The following EXOC3 variants were observed in gnomAD, a reference collection of about 807,000 sequenced individuals.
EXOC3 encodes SEC6-like 1.
A neutral mutation model predicts 73.7 loss-of-function variants in EXOC3; 21 were observed. The observed-to-expected ratio is 0.29, with a 90% CI of 0.20 to 0.41. The LOEUF (loss-of-function observed/expected upper bound fraction) is 0.41, where lower values mean the gene tolerates loss of function less well. Ranked by LOEUF, EXOC3 falls within the 10% of genes least tolerant of loss-of-function variation. EXOC3 has a pLI of 1.00. For synonymous variants in EXOC3, 410 were observed against 389.1 expected (o/e 1.05, Z -0.63); for missense variants, 842 against 985.1 (o/e 0.85, Z 1.95).
intron 3 of EXOC3, among the ~76,000 whole-genome samples, chr5:449,085 A>G (rs764306656): frequency 6.6e-6 from 1 of 152,246 alleles, no homozygotes; most frequent in Non-Finnish European, 1.5e-5. Flanking sequence ...ATGACCAAAA[A>G]GGTGCATTAC....
rs36111924 is a variant in EXOC3 at position 451,135 on chromosome 5, AT to A, written c.365-2227del. Among the ~76,000 whole-genome samples, 12 of 151,896 alleles carry A rather than the reference AT, an allele frequency of 7.9e-5. 1 individual carries two copies. The South Asian group carries it at 1.0e-3, about 13-fold the overall frequency. On this transcript the variant is annotated intron_variant, in intron 3 of 12. Transcript: ENST00000512944. ...TAACATTTTTGTCTCTTATTTCTGCATTTTTTTTGTGCTTTTGATTATTTTG... is the reference window on the plus strand; with the variant it reads ...TAACATTTTTGTCTCTTATTTCTGCATTTTTTTGTGCTTTTGATTATTTTG...
At position 458,035 on chromosome 5, in the gene EXOC3, G is replaced by T; in HGVS notation, c.1290+10G>T. 6.2e-7 allele frequency: 1 copy of T among 1,611,480 alleles called. No homozygotes were observed. The highest frequency in any genetic ancestry group is 1.7e-5 in the Admixed American group (1 of 59,740). Reference sequence around the variant, plus strand: ...TGCCATTGTCTTCCAGGTACCACCTGCAGGGGACTGGCACAGTTCCGTTTC... The same window carrying T: ...TGCCATTGTCTTCCAGGTACCACCTTCAGGGGACTGGCACAGTTCCGTTTC... On this transcript the variant is annotated intron_variant, in intron 6 of 12. Transcript: ENST00000512944.
chr5:453,559 A>T lies in EXOC3; in HGVS notation c.554A>T (p.Asp185Val). ...GYFGSTQGLS[D>V]ELAKQLWMVL... The stretch of plus-strand genomic sequence containing the variant: ...TTTGGCAGCACGCAGGGGCTCTCTG[A>T]TGAGCTGGCTAAGCAGCTGTGGATG... The change falls in exon 4 of 13, where the codon GAT (aspartate) becomes GTT (valine). Residue 185 changes from aspartate (D) to valine (V), a missense_variant. By Grantham distance (152) the Asp-to-Val change is radical. Transcript: ENST00000512944. 1 of 1,613,994 alleles carries T rather than the reference A, an allele frequency of 6.2e-7. No individual in the cohort carries two copies. Among genetic ancestry groups the T allele is most frequent in the Non-Finnish European group, 8.5e-7 (1 of 1,179,872 alleles).
chr5:447,419 C>T, intron 2 of EXOC3, 114 bp from the exon 3 acceptor site: 1 of 658,020 alleles, frequency 1.5e-6, no homozygotes, highest in East Asian at 2.8e-5. Context: ...TTGACTGTTT[C>T]CTGCTACTCA....
chr5:464,447 G>C, intron 10 of EXOC3, 35 bp downstream of exon 10: 1 of 1,608,096 alleles, frequency 6.2e-7, no homozygotes, highest in South Asian at 1.1e-5. Flanking sequence ...TCATCACCTT[G>C]ACGCTAGGGC....
In EXOC3 at chr5:466,777, A is replaced by T. The variant is rs754327983; in HGVS notation, c.2117A>T (p.Asp706Val). The change falls in exon 13 of 13, where the codon GAC becomes GTC. Residue 706 changes from aspartate to valine, a missense_variant. Transcript: ENST00000512944. Reference protein sequence around the residue: ...LLAVRGDASRDMKQTIMETLE... With the variant: ...LLAVRGDASRVMKQTIMETLE... ...GCTGTGCGTGGGGACGCCAGCCGTG[A>T]CATGAAGCAGACCATCATGGAGACC... The T allele has an allele frequency of 1.2e-6, 2 of 1,613,354 alleles. No homozygotes were observed. Among genetic ancestry groups the T allele is most frequent in the Non-Finnish European group, 1.7e-6 (2 of 1,179,826 alleles).
intron 2 of EXOC3, 92 bp from the exon 3 acceptor site, chr5:447,441 C>T: frequency 2.2e-6 from 2 of 898,514 alleles, no homozygotes; most frequent in Non-Finnish European, 3.3e-6. Context: ...TGGCTCTTTC[C>T]TGAACTTGAC....
At chr5:457,732 G>T in intron 5 of EXOC3, 168 bp from the exon 6 acceptor site, 1 of 639,010 alleles carries the variant, frequency 1.6e-6, no homozygotes, top group East Asian at 2.9e-5. Context: ...GCCTCCCATG[G>T]GGGTGGCTCC....
chr5:457,800 GT>G lies in EXOC3; in HGVS notation c.1165-97del, dbSNP rs1289530184. On this transcript the variant is annotated intron_variant, in intron 5 of 12. Transcript: ENST00000512944. ...AGAGGACGCTGGTGCCCTGTGTCTG[GT>G]TTGTGGAGCTTGTGCATGCAACTGA... is the stretch of plus-strand genomic sequence containing the variant. 3.0e-6 allele frequency: 4 copies of G among 1,324,838 alleles called. No individual in the cohort carries two copies. The African/African-American group carries it at 5.9e-5, about 19-fold the overall frequency. 82.1% of individuals were successfully genotyped at this position (1,324,838 alleles called of 1,614,324 possible).
At chr5:459,672 C>T (rs572385357) in intron 7 of EXOC3, 136 of 442,008 alleles carry the variant, frequency 3.1e-4, no homozygotes, top group African/African-American at 2.5e-3. Context: ...CTTGGGCTCC[C>T]AGAGCTGATG....
At chr5:456,629 C>T (rs1737822566) in intron 4 of EXOC3, among the ~76,000 whole-genome samples, 1 of 152,208 alleles carries the variant, frequency 6.6e-6, no homozygotes, top group African/African-American at 2.4e-5. Flanking sequence ...CACAGAGACC[C>T]CAAAGCCCTC....
chr5:455,335 G>A (rs1418456615), intron 4 of EXOC3, among the ~76,000 whole-genome samples: 1 of 152,252 alleles, frequency 6.6e-6, no homozygotes, highest in African/African-American at 2.4e-5. Flanking sequence ...CACGTTGTGA[G>A]TGTTTTTCTG....
intron 4 of EXOC3, among the ~76,000 whole-genome samples, chr5:454,334 T>G (rs1737741387): frequency 6.6e-6 from 1 of 152,240 alleles, no homozygotes; most frequent in African/African-American, 2.4e-5. Context: ...CTGTTTCCTG[T>G]GCTCACCGTG....
intron 3 of EXOC3, among the ~76,000 whole-genome samples, chr5:448,796 G>A (rs1282275970): frequency 6.6e-6 from 1 of 152,194 alleles, no homozygotes; most frequent in Non-Finnish European, 1.5e-5. Context: ...CGAGCACCTT[G>A]TCCCGTTGCT....
chr5:463,853 T>C (rs1055648833), intron 9 of EXOC3, among the ~76,000 whole-genome samples: 1 of 152,232 alleles, frequency 6.6e-6, no homozygotes, highest in African/African-American at 2.4e-5. Context: ...ACGATAAATA[T>C]ATGTAGCCAC....
rs989794169 is a variant in EXOC3 at position 446,275 on chromosome 5, G to C, written c.70G>C (p.Asp24His). The C allele has an allele frequency of 1.2e-6, 2 of 1,613,942 alleles. No homozygotes were observed. The highest frequency in any genetic ancestry group is 1.7e-6 in the Non-Finnish European group (2 of 1,179,832). ...GGTTGCTGGGATGCTCCAGCGCCCGGACCAGCTGGACAAGGTGGAGCAGTA... is the reference window on the plus strand; with the variant it reads ...GGTTGCTGGGATGCTCCAGCGCCCGCACCAGCTGGACAAGGTGGAGCAGTA... ...QRVAGMLQRP[D>H]QLDKVEQYRR... is the part of the protein sequence containing the mutation. The change falls in exon 2 of 13, where the codon GAC (aspartate) becomes CAC (histidine). Residue 24 changes from aspartate to histidine, a missense_variant. Asp to His is a moderately conservative substitution (Grantham distance 81). Transcript: ENST00000512944.
chr5:449,451 C>T (rs975241372), intron 3 of EXOC3, among the ~76,000 whole-genome samples: 1 of 152,202 alleles, frequency 6.6e-6, no homozygotes, highest in Non-Finnish European at 1.5e-5. Context: ...ACACTGACTT[C>T]GCACCCTCTG....
rs963329007 is a variant in EXOC3, at chr5:464,960, C to T, written c.1777-151C>T. ...CCCCCACTGAGCCCCCGCTCCTCCT[C>T]TGCGGTGAGATGCCAGAGCCGTGGC... On this transcript the variant is annotated intron_variant, in intron 10 of 12. Transcript: ENST00000512944. 4.3e-5 allele frequency: 35 copies of T among 808,580 alleles called. 1 individual carries two copies. The highest frequency in any genetic ancestry group is 2.4e-4 in the Admixed American group (8 of 33,036). The allele number at this position is 808,580 out of a possible 1,614,324, so 50.1% of individuals were successfully genotyped here. A position where few individuals can be genotyped will look rare whatever the true frequency, so the allele number is the denominator to read the frequency against.
chr5:445,727 G>T (rs1737488216), intron 1 of EXOC3, among the ~76,000 whole-genome samples: 1 of 152,168 alleles, frequency 6.6e-6, no homozygotes, highest in Non-Finnish European at 1.5e-5. Flanking sequence ...CTGGTCGGGG[G>T]AGTTGTCCAC....
Sources: allele counts gnomAD v4.1 joint callset (sites outside exome capture counted in the v4.1 genomes callset), GRCh38; gene constraint gnomAD v4.1.1; transcripts MANE v1.5; gene names NCBI Gene and HGNC (gene_info 2026-07-23, HGNC 2026-07-21).